PLB1: variants seen among roughly 807,000 people sequenced by gnomAD.
PLB1 encodes phospholipase B1.
PLB1 carries 242 observed loss-of-function variants against 227.4 expected under a neutral mutation model. The observed-to-expected ratio is 1.06, with a 90% CI of 0.96 to 1.18. The LOEUF is 1.18. PLB1 is among the 50% of genes most tolerant of loss of function. The pLI is 0.00. For missense variants in PLB1, 1,858 were observed against 1,816.3 expected (o/e 1.02, Z -0.42); for synonymous variants, 757 against 682.2 (o/e 1.11, Z -1.71).
chr2:28,513,962 G>T (rs1314069198), intron 1 of PLB1, among the ~76,000 whole-genome samples: 1 of 152,180 alleles, frequency 6.6e-6, no homozygotes, highest in Non-Finnish European at 1.5e-5. Context: ...AATCAAATGA[G>T]AGCATCTTTC....
intron 17 of PLB1, among the ~76,000 whole-genome samples, chr2:28,555,846 C>T (rs1674989907): frequency 6.6e-6 from 1 of 151,010 alleles, no homozygotes; most frequent in Non-Finnish European, 1.5e-5. Flanking sequence ...TTGCATTTTG[C>T]CTTCAAAGTT....
intron 17 of PLB1, among the ~76,000 whole-genome samples, chr2:28,556,152 CA>C (rs1345086473): frequency 3.9e-5 from 6 of 152,290 alleles, no homozygotes; most frequent in Admixed American, 1.3e-4. Flanking sequence ...CATAAGCTAC[CA>C]TACTGGTCCA....
intron 56 of PLB1, among the ~76,000 whole-genome samples, 174 bp from the exon 57 acceptor site, chr2:28,640,753 C>A (rs1489490142): frequency 6.6e-6 from 1 of 152,170 alleles, no homozygotes; most frequent in South Asian, 2.1e-4. Context: ...TAAGTCAACT[C>A]CCGCTCAGCC....
chr2:28,636,019 A>G lies in PLB1; in HGVS notation c.4098+2980A>G, dbSNP rs2338549. Among the ~76,000 whole-genome samples the G allele has an allele frequency of 5.0e-3, 493 of 98,362 alleles. 3 individuals carry two copies. Among genetic ancestry groups the G allele is most frequent in the African/African-American group, 0.015 (440 of 29,340 alleles). The allele number at this position is 98,362 out of a possible 152,430, so 64.5% of individuals were successfully genotyped here. On this transcript the variant is annotated intron_variant, in intron 56 of 57. Coordinates refer to ENST00000327757, the MANE Select transcript of PLB1 (RefSeq NM_153021.5). The stretch of plus-strand genomic sequence containing the variant: ...TGTATGTATGTGTATGTATGTATGA[A>G]TGTGTGTGTATGTGTGTGTGTGTAT...
Position 28,535,032 on chromosome 2 carries a change from C to T in PLB1, c.555+2838C>T, listed in dbSNP as rs150101633. ...ACCAGTGGCAGTGAGCACCTATTCT[C>T]TACAACCTTCCCAACACTTGTTCTC... On this transcript the variant is annotated intron_variant, in intron 9 of 57. Coordinates refer to ENST00000327757, the MANE Select transcript of PLB1 (RefSeq NM_153021.5). 1.4e-3 allele frequency among the ~76,000 whole-genome samples: 211 copies of T among 152,298 alleles called. 4 individuals are homozygous for T. The East Asian group carries it at 0.029, about 21-fold the overall frequency.
intron 17 of PLB1, among the ~76,000 whole-genome samples, chr2:28,559,051 A>G (rs996553534): frequency 6.6e-6 from 1 of 152,222 alleles, no homozygotes; most frequent in African/African-American, 2.4e-5. Context: ...TTTTACAGAC[A>G]GTCTCACTTT....
At chr2:28,590,100 C>T (rs770791730) in intron 29 of PLB1, 24 bp downstream of exon 29, 1 of 1,583,814 alleles carries the variant, frequency 6.3e-7, no homozygotes, top group South Asian at 1.1e-5. Flanking sequence ...CACGTCCTTC[C>T]AGGCTCCGGC....
At chr2:28,581,966 A>G (rs1680090721) in intron 23 of PLB1, 102 bp from the exon 24 acceptor site, 5 of 1,160,452 alleles carry the variant, frequency 4.3e-6, no homozygotes, top group African/African-American at 3.8e-5. Flanking sequence ...ATCTCAAAAA[A>G]AGAAAAAAAA....
In PLB1 at chr2:28,591,766, C is replaced by G. The variant is rs775901083; in HGVS notation, c.2188+6C>G. ...TGCCTTGCACCCTACCTCAGGTAAG[C>G]CCCCTATGGCACAGCAGGACCCAGG... On this transcript the variant is annotated splice_donor_region_variant and intron_variant, in intron 31 of 57. Coordinates refer to ENST00000327757, the MANE Select transcript of PLB1 (RefSeq NM_153021.5). 2 of 1,613,458 alleles carry G rather than the reference C, an allele frequency of 1.2e-6. No homozygotes were observed. Among genetic ancestry groups the G allele is most frequent in the South Asian group, 1.1e-5 (1 of 91,074 alleles).
chr2:28,600,761 T>C (rs770757344), intron 35 of PLB1, 48 bp from the exon 36 acceptor site: 4 of 1,590,442 alleles, frequency 2.5e-6, no homozygotes, highest in Non-Finnish European at 3.5e-6. Flanking sequence ...GGAGGAAAAC[T>C]ATGGGCACTG....
chr2:28,598,072 A>T, intron 34 of PLB1, 24 bp downstream of exon 34: 1 of 1,603,134 alleles, frequency 6.2e-7, no homozygotes, highest in Non-Finnish European at 8.5e-7. Flanking sequence ...AGGGGCTTGA[A>T]TCTGTCTACT....
At chr2:28,608,632 T>C (rs886408264) in intron 43 of PLB1, among the ~76,000 whole-genome samples, 6 of 152,246 alleles carry the variant, frequency 3.9e-5, no homozygotes, top group African/African-American at 1.4e-4. Context: ...GCCTATACTC[T>C]GCCTTAATGG....
In PLB1 at chr2:28,578,115, C is replaced by T; in HGVS notation, c.1442C>T (p.Pro481Leu). 6.2e-7 allele frequency: 1 copy of T among 1,614,138 alleles called. No individual in the cohort carries two copies. The highest frequency in any genetic ancestry group is 1.7e-5 in the Admixed American group (1 of 60,030). Reference protein sequence around the residue: ...AVAGGRAEDLPVQARRLVDLM... With the variant: ...AVAGGRAEDLLVQARRLVDLM... The stretch of plus-strand genomic sequence containing the variant: ...CTGGTATGTTTCCACAGGGATCTAC[C>T]TGTCCAGGCCAGGAGGCTGGTGGAC... Residue 481 changes from proline to leucine, a missense_variant, in exon 22 of 58, where the codon CCT (proline) becomes CTT (leucine). Transcript: ENST00000327757.
intron 32 of PLB1, 100 bp from the exon 33 acceptor site, chr2:28,593,581 G>A (rs963605099): frequency 1.1e-5 from 10 of 938,804 alleles, no homozygotes; most frequent in South Asian, 2.8e-5. Context: ...CTGCCACCAC[G>A]AGTGCATTGG....
intron 20 of PLB1, among the ~76,000 whole-genome samples, chr2:28,568,202 T>C (rs1677380107): frequency 6.6e-6 from 1 of 152,216 alleles, no homozygotes; most frequent in South Asian, 2.1e-4. Flanking sequence ...GTTCCTCTAT[T>C]GCTAGGAGAT....
chr2:28,529,608 AGAAGCCAGGG>A, intron 7 of PLB1, 110 bp from the exon 8 acceptor site: 1 of 1,112,896 alleles, frequency 9.0e-7, no homozygotes, highest in Non-Finnish European at 1.3e-6. Context: ...CCCACCCTTC[AGAAGCCAGGG>A]GTGGATAAAG....
rs370003845 is a variant in PLB1, at chr2:28,563,024, C to G, written c.1148-17C>G. The stretch of plus-strand genomic sequence containing the variant: ...CTGGAAGCCCCATTTTCCACTCACT[C>G]CTGCTTATATTCTTAGTTCATAGGC... On this transcript the variant is annotated splice_polypyrimidine_tract_variant and intron_variant, in intron 17 of 57. Transcript: ENST00000327757. The G allele has an allele frequency of 7.4e-6, 12 of 1,610,936 alleles. No homozygotes were observed. Among genetic ancestry groups the G allele is most frequent in the South Asian group, 6.6e-5 (6 of 91,014 alleles).
At chr2:28,618,668 C>T (rs181933940) in intron 46 of PLB1, among the ~76,000 whole-genome samples, 63 of 152,306 alleles carry the variant, frequency 4.1e-4, no homozygotes, top group Admixed American at 2.0e-3. Flanking sequence ...TGTTCACAGG[C>T]GTTTTGTTGG....
chr2:28,587,601 C>G (rs1291227950), intron 26 of PLB1, among the ~76,000 whole-genome samples: 1 of 138,668 alleles, frequency 7.2e-6, no homozygotes, highest in Admixed American at 7.3e-5. Flanking sequence ...CACAGTGAGA[C>G]TGTCTCAAAA....
Sources: allele counts gnomAD v4.1 joint callset (sites outside exome capture counted in the v4.1 genomes callset), GRCh38; gene constraint gnomAD v4.1.1; transcripts MANE v1.5; gene names NCBI Gene and HGNC (gene_info 2026-07-23, HGNC 2026-07-21).